KCNQ1: variants seen among roughly 807,000 people sequenced by gnomAD.
KCNQ1 encodes potassium voltage-gated channel subfamily KQT member 1.
A neutral mutation model predicts 72.4 loss-of-function variants in KCNQ1; 49 were observed. That is an observed-to-expected ratio of 0.68 (90% CI 0.54 to 0.86). The LOEUF (loss-of-function observed/expected upper bound fraction) is 0.86, where lower values mean the gene tolerates loss of function less well. Among genes scored for constraint, KCNQ1 ranks in the 40% least tolerant of loss-of-function variants. The pLI is 0.00. For missense variants in KCNQ1, 790 were observed against 945.1 expected (o/e 0.84, Z 2.15); for synonymous variants, 450 against 412.6 (o/e 1.09, Z -1.10).
At chr11:2,554,176 T>A (rs1001300515) in intron 2 of KCNQ1, among the ~76,000 whole-genome samples, 1 of 152,252 alleles carries the variant, frequency 6.6e-6, no homozygotes, top group African/African-American at 2.4e-5. Context: ...AGTTGGGAAA[T>A]ATTTCCTGCT....
intron 11 of KCNQ1, among the ~76,000 whole-genome samples, chr11:2,701,427 A>G (rs1388150830): frequency 6.6e-6 from 1 of 152,154 alleles, no homozygotes; most frequent in Non-Finnish European, 1.5e-5. Context: ...GTGTCTGATC[A>G]GAGGGCGCAG....
intron 10 of KCNQ1, among the ~76,000 whole-genome samples, chr11:2,591,390 C>T (rs1589971041): frequency 6.6e-6 from 1 of 152,222 alleles, no homozygotes; most frequent in East Asian, 1.9e-4. Flanking sequence ...TGGGCTGGGA[C>T]CCGACCACAT....
At chr11:2,777,823 T>A in intron 14 of KCNQ1, 153 bp from the exon 15 acceptor site, 1 of 685,756 alleles carries the variant, frequency 1.5e-6, no homozygotes, top group Non-Finnish European at 2.6e-6. Context: ...GGTATTTTTG[T>A]CATAGCATGC....
intron 15 of KCNQ1, among the ~76,000 whole-genome samples, chr11:2,801,634 C>G (rs903885683): frequency 6.6e-6 from 1 of 152,224 alleles, no homozygotes; most frequent in Non-Finnish European, 1.5e-5. Flanking sequence ...GGCCTCGTCT[C>G]CAAACACAGT....
chr11:2,674,126 G>A lies in KCNQ1; in HGVS notation c.1514+12045G>A, dbSNP rs1590023360. On this transcript the variant is annotated intron_variant, in intron 11 of 15. Transcript: ENST00000155840. The surrounding 1 kb of genome is among the most constrained non-coding windows in gnomAD (Gnocchi z 5.9). The stretch of plus-strand genomic sequence containing the variant: ...AGGGAGGTGTGGAAGCTGGTTTGCC[G>A]GGGCCACCCAGTGTGGGCTCAGGAA... 5.0e-6 allele frequency: 2 copies of A among 398,662 alleles called. No individual in the cohort carries two copies. Among genetic ancestry groups the A allele is most frequent in the South Asian group, 1.3e-4 (1 of 7,856 alleles). The allele number at this position is 398,662 out of a possible 1,614,324, so 24.7% of individuals were successfully genotyped here.
chr11:2,631,460 TGTCTCCTTTTG>T, intron 10 of KCNQ1: 1 of 398,080 alleles, frequency 2.5e-6, no homozygotes, highest in East Asian at 3.6e-5. Context: ...CTTTATTGAA[TGTCTCCTTTTG>T]TGTATTAATG....
Position 2,571,379 on chromosome 11 carries a change from A to C in KCNQ1, c.659A>C (p.Gln220Pro). The C allele has an allele frequency of 1.2e-6, 2 of 1,612,722 alleles. No homozygotes were observed. Among genetic ancestry groups the C allele is most frequent in the Non-Finnish European group, 1.7e-6 (2 of 1,179,962 alleles). ...MVVLCVGSKG[Q>P]VFATSAIRGI... Reference sequence around the variant, plus strand: ...GTCCTCTGCGTGGGCTCCAAGGGGCAGGTGTTTGCCACGTCGGCCATCAGG... The same window carrying C: ...GTCCTCTGCGTGGGCTCCAAGGGGCCGGTGTTTGCCACGTCGGCCATCAGG... Residue 220 changes from glutamine (Q) to proline (P), a missense_variant, in exon 4 of 16, where the codon CAG (glutamine) becomes CCG (proline). By Grantham distance (76) the Gln-to-Pro change is moderately conservative (BLOSUM62 -1). Around this residue, in one of 5 missense-constraint regions of KCNQ1, gnomAD observed 294 missense variants for 323.3 expected, o/e 0.91. Coordinates refer to ENST00000155840, the MANE Select transcript of KCNQ1 (RefSeq NM_000218.3).
At position 2,670,864 on chromosome 11, in the gene KCNQ1, G is replaced by C; in HGVS notation, c.1514+8783G>C. On this transcript the variant is annotated intron_variant, in intron 11 of 15. Coordinates refer to ENST00000155840, the MANE Select transcript of KCNQ1 (RefSeq NM_000218.3). This position sits in a 1 kb window ranked among gnomAD's most constrained non-coding sequence, Gnocchi z 4.9. The stretch of plus-strand genomic sequence containing the variant: ...GGAGGTCAAAGGTCCTCACTGGCCA[G>C]TGGGCCACTGGGAAGCCTCCTGGAT... The C allele has an allele frequency of 2.5e-6, 1 of 398,646 alleles. No homozygotes were observed. The highest frequency in any genetic ancestry group is 4.4e-6 in the Non-Finnish European group (1 of 226,064). 24.7% of individuals were successfully genotyped at this position (398,646 alleles called of 1,614,324 possible). A position where few individuals can be genotyped will look rare whatever the true frequency, so the allele number is the denominator to read the frequency against.
At position 2,516,586 on chromosome 11, in the gene KCNQ1, C is replaced by T. The variant is rs764919148; in HGVS notation, c.387-11342C>T. Among the ~76,000 whole-genome samples, 5 of 152,076 alleles carry T rather than the reference C, an allele frequency of 3.3e-5. No homozygotes were observed. The highest frequency in any genetic ancestry group is 6.6e-5 in the Admixed American group (1 of 15,264). ...CTGTTGGGTGCTCCTGATTGTGTAG[C>T]GGGTCCCCTGAAACCAACACACAGG... On this transcript the variant is annotated intron_variant, in intron 1 of 15. Coordinates refer to ENST00000155840, the MANE Select transcript of KCNQ1 (RefSeq NM_000218.3). The surrounding 1 kb of genome is among the most constrained non-coding windows in gnomAD (Gnocchi z 7.0).
intron 6 of KCNQ1, among the ~76,000 whole-genome samples, chr11:2,576,685 C>T (rs1256810097): frequency 6.6e-6 from 1 of 152,260 alleles, no homozygotes; most frequent in African/African-American, 2.4e-5. Flanking sequence ...AACGCTGCAC[C>T]CTGGCGGGGC....
intron 11 of KCNQ1, chr11:2,667,844 G>A (rs1222257860): frequency 2.5e-6 from 1 of 398,510 alleles, no homozygotes; most frequent in Admixed American, 4.4e-5. Context: ...TTTAGTTAAA[G>A]GGTAATGTGC....
Position 2,511,904 on chromosome 11 carries a change from G to A in KCNQ1, c.387-16024G>A, listed in dbSNP as rs182732248. ...GCCCCCTGTGCAGGGAAAAACCCGC[G>A]GTTTTCCCTGGTGGAGGGCACAGGT... On this transcript the variant is annotated intron_variant, in intron 1 of 15. Coordinates refer to ENST00000155840, the MANE Select transcript of KCNQ1 (RefSeq NM_000218.3). 2.9e-4 allele frequency among the ~76,000 whole-genome samples: 44 copies of A among 152,310 alleles called. No individual in the cohort carries two copies. The East Asian group carries it at 8.1e-3, about 28-fold the overall frequency.
chr11:2,571,118 G>A (rs1848326600), intron 3 of KCNQ1, among the ~76,000 whole-genome samples: 1 of 152,190 alleles, frequency 6.6e-6, no homozygotes, highest in African/African-American at 2.4e-5. Flanking sequence ...CTAGGCCGGG[G>A]GCTCCACATG....
At chr11:2,545,467 G>T (rs1362600727) in intron 2 of KCNQ1, among the ~76,000 whole-genome samples, 1 of 152,096 alleles carries the variant, frequency 6.6e-6, no homozygotes, top group South Asian at 2.1e-4. Context: ...TTTTATTCAG[G>T]TGATTGATAA....
At chr11:2,733,987 C>G (rs1238480752) in intron 11 of KCNQ1, among the ~76,000 whole-genome samples, 1 of 152,004 alleles carries the variant, frequency 6.6e-6, no homozygotes, top group Non-Finnish European at 1.5e-5. Flanking sequence ...CCCACGCTTC[C>G]CCTGAACATC....
chr11:2,629,049 C>CTTTAGA, intron 10 of KCNQ1: 3 of 398,120 alleles, frequency 7.5e-6, no homozygotes, highest in Non-Finnish European at 1.3e-5. Flanking sequence ...GTTCTTATTG[C>CTTTAGA]TCAAGTATGC....
rs557313464 is a variant in KCNQ1, at chr11:2,669,862, T to G, written c.1514+7781T>G. The G allele has an allele frequency of 2.5e-6, 1 of 398,558 alleles. No homozygotes were observed. The highest frequency in any genetic ancestry group is 2.1e-5 in the African/African-American group (1 of 48,706). The allele number at this position is 398,558 out of a possible 1,614,324, so 24.7% of individuals were successfully genotyped here. Reference sequence around the variant, plus strand: ...ATGGGATACAAATGGGGTCACAACATATGGCTGTCAGCTGCTGTCCTTAAT... The same window carrying G: ...ATGGGATACAAATGGGGTCACAACAGATGGCTGTCAGCTGCTGTCCTTAAT... On this transcript the variant is annotated intron_variant, in intron 11 of 15. Coordinates refer to ENST00000155840, the MANE Select transcript of KCNQ1 (RefSeq NM_000218.3). The surrounding 1 kb of genome is among the most constrained non-coding windows in gnomAD (Gnocchi z 5.6).
chr11:2,454,666 A>G (rs1485908528), intron 1 of KCNQ1, among the ~76,000 whole-genome samples: 1 of 152,266 alleles, frequency 6.6e-6, no homozygotes, highest in Non-Finnish European at 1.5e-5. Flanking sequence ...ATTAAAAACA[A>G]AAACCGTATG....
In KCNQ1 at chr11:2,621,492, T is replaced by C; in HGVS notation, c.1393+32638T>C. 2 of 398,608 alleles carry C rather than the reference T, an allele frequency of 5.0e-6. No homozygotes were observed. The highest frequency in any genetic ancestry group is 8.8e-6 in the Non-Finnish European group (2 of 226,066). The allele number at this position is 398,608 out of a possible 1,614,324, so 24.7% of individuals were successfully genotyped here. On this transcript the variant is annotated intron_variant, in intron 10 of 15. Transcript: ENST00000155840. This position sits in a 1 kb window ranked among gnomAD's most constrained non-coding sequence, Gnocchi z 5.7. Reference sequence around the variant, plus strand: ...TGCAAATATTTTTTCTCCCATTCTATATGTTGTCTGTTTACTCTGTTGATA... The same window carrying C: ...TGCAAATATTTTTTCTCCCATTCTACATGTTGTCTGTTTACTCTGTTGATA...
Sources: gnomAD v4.1 joint callset for allele counts (sites outside exome capture counted in the v4.1 genomes callset) on GRCh38, gnomAD v4.1.1 for gene constraint, gnomAD v4.1.1 regional missense constraint, Gnocchi (gnomAD v3.1) non-coding constraint, MANE v1.5 for transcripts, NCBI Gene and HGNC (gene_info 2026-07-23, HGNC 2026-07-21) for gene names.